Variants in HS6ST2 observed in about 807,000 individuals in gnomAD.
HS6ST2 encodes the protein heparan-sulfate 6-O-sulfotransferase 2.
Under a neutral mutation model 33.0 loss-of-function variants are expected in HS6ST2, and 17 were observed. The ratio of observed to expected loss-of-function variants is 0.52; its 90% CI spans 0.35 to 0.77. The LOEUF (loss-of-function observed/expected upper bound fraction) is 0.77, where lower values mean the gene tolerates loss of function less well. Ranked by LOEUF, HS6ST2 falls within the 30% of genes least tolerant of loss-of-function variation. The pLI is 0.01. For missense variants in HS6ST2, 519 were observed against 551.7 expected, an observed-to-expected ratio of 0.94 and a Z score of 0.59; for synonymous variants, 248 against 237.1, an observed-to-expected ratio of 1.05 and a Z score of -0.42.
chrX:132,914,610 T>G (rs2066566466), intron 2 of HS6ST2, among the ~76,000 whole-genome samples: 1 of 112,437 alleles, frequency 8.9e-6, no homozygotes, highest in African/African-American at 3.2e-5. Flanking sequence ...TTTCTATTCA[T>G]TCACAAGAGG....
intron 2 of HS6ST2, among the ~76,000 whole-genome samples, chrX:132,852,702 G>C (rs1351367072): frequency 8.9e-6 from 1 of 112,140 alleles, no homozygotes; most frequent in Non-Finnish European, 1.9e-5. Flanking sequence ...ATGAGCCTAG[G>C]GACCCATCCC....
chrX:132,776,672 T>C (rs2064962378), intron 2 of HS6ST2, among the ~76,000 whole-genome samples: 1 of 111,115 alleles, frequency 9.0e-6, no homozygotes, highest in Non-Finnish European at 1.9e-5. Context: ...TAAACTGACA[T>C]TGTGGCAACC....
intron 2 of HS6ST2, among the ~76,000 whole-genome samples, chrX:132,745,466 G>A (rs1751295629): frequency 1.8e-5 from 2 of 112,076 alleles, no homozygotes; most frequent in African/African-American, 6.5e-5. Context: ...TGAAATCGAA[G>A]TCAAAATTAT....
intron 2 of HS6ST2, among the ~76,000 whole-genome samples, chrX:132,880,534 AG>A (rs753382089): frequency 0.08 from 75 of 942 alleles, no homozygotes; most frequent in Middle Eastern, 0.25. Context: ...AAAAAAAAAA[AG>A]GAAAAAAAAA....
intron 2 of HS6ST2, among the ~76,000 whole-genome samples, chrX:132,886,698 C>T (rs745867560): frequency 2.2e-3 from 245 of 109,944 alleles, no homozygotes; most frequent in Non-Finnish European, 2.8e-3. Flanking sequence ...ATGATGTAGA[C>T]AAAAACAAAA....
At position 132,749,790 on chromosome X, in the gene HS6ST2, G is replaced by C. The variant is rs186870354; in HGVS notation, c.948-41296C>G. 3.8e-4 allele frequency among the ~76,000 whole-genome samples: 42 copies of C among 111,441 alleles called. 1 individual carries two copies. The Middle Eastern group carries it at 0.032, about 85-fold the overall frequency. On this transcript the variant is annotated intron_variant, in intron 2 of 4. Coordinates refer to ENST00000370833, the MANE Select transcript of HS6ST2 (RefSeq NM_001394073.1). ...AGATCTATAGTCACTGCAGCCTGGT[G>C]GGGGGAGTGCTACTAGTTACAGTTG...
chrX:132,777,826 C>A (rs2064978552), intron 2 of HS6ST2, among the ~76,000 whole-genome samples: 2 of 111,199 alleles, frequency 1.8e-5, no homozygotes, highest in Admixed American at 9.7e-5. Flanking sequence ...AGATGGATAG[C>A]CCTTACTAAG....
At chrX:132,757,393 C>G (rs2064766096) in intron 2 of HS6ST2, among the ~76,000 whole-genome samples, 1 of 111,769 alleles carries the variant, frequency 8.9e-6, no homozygotes, top group Admixed American at 9.5e-5. Flanking sequence ...TTTCTGCCAC[C>G]AAAGCAGTCA....
rs1215800117 is a variant in HS6ST2 at position 132,800,202 on chromosome X, C to T, written c.948-91708G>A. ...GCCTGAGCTCTGTTCTGCCTCCAGTCAGATCAGTAGTGGCATTAGATTCTC... is the reference window on the plus strand; with the variant it reads ...GCCTGAGCTCTGTTCTGCCTCCAGTTAGATCAGTAGTGGCATTAGATTCTC... On this transcript the variant is annotated intron_variant, in intron 2 of 4. Transcript: ENST00000370833. 3.6e-5 allele frequency among the ~76,000 whole-genome samples: 4 copies of T among 111,576 alleles called. No individual in the cohort carries two copies. In the Admixed American group the frequency reaches 3.8e-4, roughly 11 times the overall value.
intron 2 of HS6ST2, among the ~76,000 whole-genome samples, chrX:132,713,184 C>A (rs960764364): frequency 9.0e-6 from 1 of 111,284 alleles, no homozygotes; most frequent in African/African-American, 3.3e-5. Flanking sequence ...CAACAGCAAA[C>A]GACATGGGTA....
intron 2 of HS6ST2, among the ~76,000 whole-genome samples, chrX:132,742,191 G>A (rs1480440992): frequency 8.9e-6 from 1 of 112,313 alleles, no homozygotes; most frequent in Admixed American, 9.4e-5. Context: ...AAAGACGGAA[G>A]CTGCTATTTC....
intron 2 of HS6ST2, among the ~76,000 whole-genome samples, chrX:132,798,113 C>T (rs2065202022): frequency 9.2e-6 from 1 of 108,963 alleles, no homozygotes; most frequent in East Asian, 3.0e-4. Flanking sequence ...CTTCAATACA[C>T]CCCATTCCTC....
chrX:132,887,277 G>A (rs1323110296), intron 2 of HS6ST2, among the ~76,000 whole-genome samples: 1 of 112,067 alleles, frequency 8.9e-6, no homozygotes, highest in Non-Finnish European at 1.9e-5. Flanking sequence ...AACTGATAAA[G>A]GACTTGTATC....
chrX:132,960,931 A>G (rs959503041), upstream of HS6ST2, among the ~76,000 whole-genome samples: 1 of 110,468 alleles, frequency 9.1e-6, no homozygotes, highest in Non-Finnish European at 1.9e-5. Context: ...TTTGCTGAGA[A>G]GCAGGGAATT....
chrX:132,815,297 T>C (rs1307925629), intron 2 of HS6ST2, among the ~76,000 whole-genome samples: 1 of 112,393 alleles, frequency 8.9e-6, no homozygotes, highest in African/African-American at 3.2e-5. Flanking sequence ...GTATCGATTA[T>C]TCTGTGCCAA....
chrX:132,917,373 C>T (rs984033541), intron 2 of HS6ST2, among the ~76,000 whole-genome samples: 13 of 111,112 alleles, frequency 1.2e-4, no homozygotes, highest in African/African-American at 3.6e-4. Flanking sequence ...CTGAGGCGGG[C>T]GGATCACTTG....
At chrX:132,767,517 A>T (rs1234527155) in intron 2 of HS6ST2, among the ~76,000 whole-genome samples, 1 of 111,678 alleles carries the variant, frequency 9.0e-6, no homozygotes, top group Non-Finnish European at 1.9e-5. Flanking sequence ...GATACTAAGG[A>T]TTTTACTTGT....
In HS6ST2 at chrX:132,628,939, C is replaced by T. The variant is rs868672469; in HGVS notation, c.1222G>A (p.Asp408Asn). The change falls in exon 5 of 5, where the codon GAT (aspartate) becomes AAT (asparagine). Residue 408 changes from aspartate to asparagine, a missense_variant. Physicochemically the swap from Asp to Asn is conservative, Grantham distance 23 (BLOSUM62 1). Coordinates refer to ENST00000370833, the MANE Select transcript of HS6ST2 (RefSeq NM_001394073.1). ...TTGAGGGGGCAGCCAGACCAGTCAT[C>T]GCCAGTGTAGCAGCTGGGCAGCTCT... is the stretch of plus-strand genomic sequence containing the variant. ...SEELPSCYTG[D>N]DWSGCPLKEF... 4 of 1,211,390 alleles carry T rather than the reference C, an allele frequency of 3.3e-6. No homozygotes were observed. Among genetic ancestry groups the T allele is most frequent in the Non-Finnish European group, 4.5e-6 (4 of 895,335 alleles).
intron 2 of HS6ST2, among the ~76,000 whole-genome samples, chrX:132,749,656 T>A (rs1366685018): frequency 9.0e-6 from 1 of 111,520 alleles, no homozygotes; most frequent in Non-Finnish European, 1.9e-5. Flanking sequence ...GAATAGTGTG[T>A]GGGGGTTGGG....
Sources: allele counts gnomAD v4.1 joint callset (sites outside exome capture counted in the v4.1 genomes callset), GRCh38; gene constraint gnomAD v4.1.1; transcripts MANE v1.5; gene names NCBI Gene and HGNC (gene_info 2026-07-23, HGNC 2026-07-21).